The following MICU3 variants were observed in gnomAD, a reference collection of about 807,000 sequenced individuals.
MICU3 encodes mitochondrial calcium uptake 3.
Under a neutral mutation model 66.5 loss-of-function variants are expected in MICU3, and 62 were observed. The ratio of observed to expected loss-of-function variants is 0.93; its 90% CI spans 0.76 to 1.15. The LOEUF is 1.15. Ranked by LOEUF, MICU3 falls within the 50% of genes most tolerant of loss-of-function variation. The pLI, the probability that MICU3 is intolerant of heterozygous loss-of-function variation, is 0.00. For synonymous variants in MICU3, 308 were observed against 240.7 expected (o/e 1.28, Z -2.59); for missense variants, 779 against 664.4 (o/e 1.17, Z -1.90).
At chr8:17,034,276 A>G (rs565345116) in intron 1 of MICU3, among the ~76,000 whole-genome samples, 1 of 152,360 alleles carries the variant, frequency 6.6e-6, no homozygotes, top group African/African-American at 2.4e-5. Flanking sequence ...CTTAGAAAAA[A>G]AGATTCAGTT....
At position 17,121,877 on chromosome 8, in the gene MICU3, T is replaced by C. The variant is rs2150848672; in HGVS notation, c.*1590T>C. On this transcript the variant is annotated 3_prime_UTR_variant, in exon 15 of 15. Transcript: ENST00000318063. ...TGCTTTGAAAGTTGATTTAATTGAC[T>C]GACTAAATGAAAATGCCTACCCACT... 1 of 151,924 alleles carries C rather than the reference T, an allele frequency of 6.6e-6. No individual in the cohort carries two copies. The highest frequency in any genetic ancestry group is 2.1e-4 in the South Asian group (1 of 4,824). The allele number at this position is 151,924 out of a possible 1,614,324, so 9.4% of individuals were successfully genotyped here. A position where few individuals can be genotyped will look rare whatever the true frequency, so the allele number is the denominator to read the frequency against.
chr8:17,095,702 T>G (rs1462902111), intron 8 of MICU3, among the ~76,000 whole-genome samples: 1 of 151,854 alleles, frequency 6.6e-6, no homozygotes, highest in Non-Finnish European at 1.5e-5. Context: ...AAATCAATCT[T>G]CTTTCCTCCT....
intron 13 of MICU3, among the ~76,000 whole-genome samples, chr8:17,117,484 A>T (rs1802794180): frequency 6.6e-6 from 1 of 152,214 alleles, no homozygotes; most frequent in Non-Finnish European, 1.5e-5. Context: ...GAATCAATAA[A>T]TGTGTACATA....
intron 11 of MICU3, among the ~76,000 whole-genome samples, chr8:17,108,239 C>T (rs534352238): frequency 1.3e-5 from 2 of 152,150 alleles, no homozygotes; most frequent in South Asian, 4.2e-4. Flanking sequence ...ATAGTTATCT[C>T]AATGAAAAAT....
At chr8:17,128,229 T>TACACACACACACACACACAC in the MICU3 span, among the ~76,000 whole-genome samples, 1 of 144,460 alleles carries the variant, frequency 6.9e-6, no homozygotes, top group African/African-American at 2.5e-5. Context: ...GAGATCAGTG[T>TACACACACACACACACACAC]ACACACACAC....
At position 17,098,585 on chromosome 8, in the gene MICU3, T is replaced by C; in HGVS notation, c.984+32T>C. 16 of 1,360,496 alleles carry C rather than the reference T, an allele frequency of 1.2e-5. 1 individual carries two copies. Among genetic ancestry groups the C allele is most frequent in the Non-Finnish European group, 1.7e-5 (16 of 955,030 alleles). The allele number at this position is 1,360,496 out of a possible 1,614,324, so 84.3% of individuals were successfully genotyped here. On this transcript the variant is annotated intron_variant, in intron 9 of 14. Transcript: ENST00000318063. Reference sequence around the variant, plus strand: ...TTAAACCTCAACAAGGTCCTTGTACTATTTGCCATCTTGTTAATCTAGTCG... The same window carrying C: ...TTAAACCTCAACAAGGTCCTTGTACCATTTGCCATCTTGTTAATCTAGTCG...
At chr8:17,032,896 CT>C (rs1284178469) in intron 1 of MICU3, among the ~76,000 whole-genome samples, 4 of 152,160 alleles carry the variant, frequency 2.6e-5, no homozygotes, top group Non-Finnish European at 4.4e-5. Flanking sequence ...ATTATTTTAT[CT>C]GTTATGGTAA....
Position 17,105,486 on chromosome 8 carries a change from A to G in MICU3, c.1159A>G (p.Ser387Gly). The change falls in exon 11 of 15, where the codon AGT becomes GGT. Residue 387 changes from serine to glycine, a missense_variant. Physicochemically the swap from Ser to Gly is moderately conservative, Grantham distance 56 (BLOSUM62 0). Coordinates refer to ENST00000318063, the MANE Select transcript of MICU3 (RefSeq NM_181723.3). ...LSYSNGMNTI[S>G]EEDFAHILLR... is the part of the protein sequence containing the mutation. ...CTACTCAAATGGAATGAATACCATC[A>G]GTGAAGAAGATTTTGCTCATATTCT... The G allele has an allele frequency of 1.3e-6, 2 of 1,572,438 alleles. No individual in the cohort carries two copies. Among genetic ancestry groups the G allele is most frequent in the South Asian group, 1.2e-5 (1 of 86,948 alleles).
intron 11 of MICU3, among the ~76,000 whole-genome samples, chr8:17,110,750 T>TA (rs1802130058): frequency 6.9e-6 from 1 of 145,724 alleles, no homozygotes; most frequent in African/African-American, 2.5e-5. Flanking sequence ...GAGGGGGGGG[T>TA]AGAGACAGGG....
At chr8:17,118,322 G>A (rs1305290947) in intron 13 of MICU3, among the ~76,000 whole-genome samples, 1 of 151,464 alleles carries the variant, frequency 6.6e-6, no homozygotes, top group Non-Finnish European at 1.5e-5. Flanking sequence ...GTATTTATGG[G>A]GTAAATGTGA....
At chr8:17,084,534 G>A (rs1282025660) in intron 5 of MICU3, among the ~76,000 whole-genome samples, 1 of 152,044 alleles carries the variant, frequency 6.6e-6, no homozygotes, top group East Asian at 1.9e-4. Flanking sequence ...TTTGAGAAGG[G>A]CACGTCCACT....
At chr8:17,132,970 C>G in the MICU3 span, 1 of 152,208 alleles carries the variant, frequency 6.6e-6, no homozygotes, top group Non-Finnish European at 1.5e-5. Flanking sequence ...CCCCTTCCTC[C>G]AGGTGAAGAG....
rs545062710 is a variant in MICU3, at chr8:17,040,318, T to C, written c.381+12658T>C. On this transcript the variant is annotated intron_variant, in intron 1 of 14. Coordinates refer to ENST00000318063, the MANE Select transcript of MICU3 (RefSeq NM_181723.3). ...TATCTCAAAAGATTTTAATAAATCC[T>C]TATTTAATGACCAAATTAATTAAAA... 2.0e-5 allele frequency among the ~76,000 whole-genome samples: 3 copies of C among 152,354 alleles called. No homozygotes were observed. In the East Asian group the frequency reaches 5.8e-4, roughly 29 times the overall value.
the MICU3 span, among the ~76,000 whole-genome samples, chr8:17,128,567 T>C: frequency 6.6e-6 from 1 of 152,158 alleles, no homozygotes; most frequent in Non-Finnish European, 1.5e-5. Flanking sequence ...TTTGCTGAAA[T>C]CAAAACCTCC....
chr8:17,055,789 G>GACAC (rs997632282), intron 1 of MICU3, among the ~76,000 whole-genome samples: 10 of 152,352 alleles, frequency 6.6e-5, no homozygotes, highest in African/African-American at 2.2e-4. Flanking sequence ...GAGAAAGAAA[G>GACAC]ACACACACTT....
At chr8:17,068,806 C>A (rs1203589297) in intron 2 of MICU3, among the ~76,000 whole-genome samples, 1 of 151,784 alleles carries the variant, frequency 6.6e-6, no homozygotes, top group African/African-American at 2.4e-5. Flanking sequence ...CAGAAATAGC[C>A]CCATTGCCAG....
intron 1 of MICU3, among the ~76,000 whole-genome samples, chr8:17,041,538 C>T (rs1053785087): frequency 6.7e-6 from 1 of 150,118 alleles, no homozygotes; most frequent in Non-Finnish European, 1.5e-5. Context: ...ACAGCCATAT[C>T]AAGAATTTGT....
intron 1 of MICU3, among the ~76,000 whole-genome samples, chr8:17,043,769 G>A (rs1001654201): frequency 1.3e-5 from 2 of 152,186 alleles, no homozygotes; most frequent in African/African-American, 2.4e-5. Flanking sequence ...GAACATAAAA[G>A]TCAAGTAAGA....
At chr8:17,055,618 A>C (rs1816799107) in intron 1 of MICU3, among the ~76,000 whole-genome samples, 1 of 152,146 alleles carries the variant, frequency 6.6e-6, no homozygotes, top group African/African-American at 2.4e-5. Context: ...TGGCCTATAA[A>C]AGCTTCTCAC....
Sources: gnomAD v4.1 joint callset for allele counts (sites outside exome capture counted in the v4.1 genomes callset) on GRCh38, gnomAD v4.1.1 for gene constraint, MANE v1.5 for transcripts, NCBI Gene and HGNC (gene_info 2026-07-23, HGNC 2026-07-21) for gene names.